GIGYF2: variants seen among roughly 807,000 people sequenced by gnomAD.
GIGYF2 encodes GRB10 interacting GYF protein 2, also known as GRB10-interacting GYF protein 2.
In GIGYF2, 25 loss-of-function variants were observed where a neutral mutation model predicts 208.1. The ratio of observed to expected loss-of-function variants is 0.12; its 90% confidence interval spans 0.09 to 0.17. The LOEUF (loss-of-function observed/expected upper bound fraction) is 0.17, where lower values mean the gene tolerates loss of function less well. Ranked by LOEUF, GIGYF2 falls within the 10% of genes least tolerant of loss-of-function variation. GIGYF2 has a pLI of 1.00. For synonymous variants in GIGYF2, 534 were observed against 543.8 expected (o/e 0.98, Z 0.25); for missense variants, 1,302 against 1,579.4 (o/e 0.82, Z 2.98).
At chr2:232,811,380 T>C (rs781354296) in intron 17 of GIGYF2, 29 bp downstream of exon 17, 1 of 1,194,248 alleles carries the variant, frequency 8.4e-7, no homozygotes, top group Non-Finnish European at 1.3e-6. Flanking sequence ...ATGTGTCATA[T>C]GGGGTGCATG....
intron 23 of GIGYF2, 65 bp downstream of exon 23, chr2:232,840,036 G>A: frequency 4.7e-6 from 7 of 1,479,442 alleles, no homozygotes; most frequent in African/African-American, 2.8e-5. Context: ...ATGCATTATG[G>A]GTTAGTGGTT....
intron 2 of GIGYF2, among the ~76,000 whole-genome samples, chr2:232,724,207 ATTTTTTTTTTT>A (rs1163865821): frequency 6.1e-5 from 7 of 114,196 alleles, no homozygotes; most frequent in Non-Finnish European, 8.6e-5. Flanking sequence ...ACACCTGGCT[ATTTTTTTTTTT>A]TTTTTTTTTT....
At chr2:232,732,640 A>AT (rs112179324) in intron 2 of GIGYF2, among the ~76,000 whole-genome samples, 3,440 of 144,468 alleles carry the variant, frequency 0.024, 130 homozygotes, top group African/African-American at 0.078. Context: ...AATTTTTTTA[A>AT]TTTTTTTTTT....
chr2:232,765,842 G>A, intron 8 of GIGYF2: 1 of 453,140 alleles, frequency 2.2e-6, no homozygotes, highest in Non-Finnish European at 4.6e-6. Context: ...GAGATTTTTA[G>A]GTAACGACAT....
intron 2 of GIGYF2, among the ~76,000 whole-genome samples, chr2:232,706,945 C>CA (rs10612508): frequency 1.8e-5 from 2 of 109,470 alleles, no homozygotes; most frequent in South Asian, 3.2e-4. Context: ...GACCTTGTCT[C>CA]AAAAAAAAAA....
chr2:232,730,814 C>T (rs1471607044), intron 2 of GIGYF2, among the ~76,000 whole-genome samples: 14 of 134,510 alleles, frequency 1.0e-4, no homozygotes, highest in East Asian at 4.5e-4. Flanking sequence ...AGGAGAATGG[C>T]GTGAACCCGG....
intron 8 of GIGYF2, among the ~76,000 whole-genome samples, chr2:232,781,404 G>A (rs1033337861): frequency 3.5e-5 from 4 of 114,658 alleles, no homozygotes; most frequent in African/African-American, 1.4e-4. Context: ...AATCAATTTG[G>A]TTAGAAGGGA....
intron 28 of GIGYF2, among the ~76,000 whole-genome samples, chr2:232,852,205 G>A (rs1476096171): frequency 6.6e-6 from 1 of 152,206 alleles, no homozygotes; most frequent in African/African-American, 2.4e-5. Flanking sequence ...CAGCCCTGGT[G>A]AAAACAACAT....
At chr2:232,746,176 TAAA>T (rs938239883) in intron 3 of GIGYF2, among the ~76,000 whole-genome samples, 1 of 144,802 alleles carries the variant, frequency 6.9e-6, no homozygotes. Flanking sequence ...CCACAATAAG[TAAA>T]AAAAAAAAAT....
At chr2:232,841,256 G>C (rs540654626) in intron 23 of GIGYF2, among the ~76,000 whole-genome samples, 20 of 152,056 alleles carry the variant, frequency 1.3e-4, no homozygotes, top group Non-Finnish European at 2.9e-4. Flanking sequence ...GTCTTCTCCT[G>C]TCTACCAGAA....
chr2:232,809,249 T>A (rs542042453), intron 15 of GIGYF2, among the ~76,000 whole-genome samples: 208 of 152,328 alleles, frequency 1.4e-3, no homozygotes, highest in African/African-American at 4.9e-3. Flanking sequence ...GGCCTCTTTT[T>A]ATATTCTTAA....
At chr2:232,701,993 C>T (rs1393066956) in intron 1 of GIGYF2, among the ~76,000 whole-genome samples, 1 of 151,890 alleles carries the variant, frequency 6.6e-6, no homozygotes, top group East Asian at 1.9e-4. Context: ...AGACCCCCAT[C>T]TCTAAAAAAG....
At chr2:232,778,628 C>T (rs973560446) in intron 8 of GIGYF2, among the ~76,000 whole-genome samples, 1 of 152,114 alleles carries the variant, frequency 6.6e-6, no homozygotes, top group Admixed American at 6.5e-5. Flanking sequence ...TATAAAGCAA[C>T]AGTAGGTAGA....
intron 2 of GIGYF2, among the ~76,000 whole-genome samples, chr2:232,707,961 TA>T (rs923388877): frequency 1.3e-5 from 2 of 151,822 alleles, no homozygotes; most frequent in African/African-American, 2.4e-5. Flanking sequence ...TTTTTTTAAT[TA>T]AAAAAAATAT....
At chr2:232,811,166 A>G (rs753093138) in intron 16 of GIGYF2, 78 bp from the exon 17 acceptor site, 12 of 780,624 alleles carry the variant, frequency 1.5e-5, no homozygotes, top group African/African-American at 6.7e-5. Flanking sequence ...CTTTGAATTG[A>G]ACTTTGTCTT....
At chr2:232,707,060 A>G (rs1574767293) in intron 2 of GIGYF2, among the ~76,000 whole-genome samples, 2 of 151,916 alleles carry the variant, frequency 1.3e-5, no homozygotes, top group Non-Finnish European at 2.9e-5. Context: ...TGGCATTGTA[A>G]TTTTTCCTAA....
chr2:232,768,143 C>T (rs369373214), intron 8 of GIGYF2: 3 of 1,587,932 alleles, frequency 1.9e-6, no homozygotes, highest in African/African-American at 2.7e-5. Context: ...GAAAAAGTAG[C>T]TGCATAACTG....
At chr2:232,794,523 C>G (rs1172211461) in intron 12 of GIGYF2, among the ~76,000 whole-genome samples, 7 of 152,134 alleles carry the variant, frequency 4.6e-5, no homozygotes, top group Non-Finnish European at 1.0e-4. Context: ...TGGAGAAGCA[C>G]CTTTTAGATA....
At chr2:232,809,472 G>A (rs1279890541) in intron 15 of GIGYF2, among the ~76,000 whole-genome samples, 1 of 152,220 alleles carries the variant, frequency 6.6e-6, no homozygotes, top group Non-Finnish European at 1.5e-5. Context: ...ATGGAGAATG[G>A]CAGCTGAAAT....
Sources: allele counts gnomAD v4.1 joint callset (sites outside exome capture counted in the v4.1 genomes callset), GRCh38; gene constraint gnomAD v4.1.1; transcripts MANE v1.5; gene names NCBI Gene and HGNC (gene_info 2026-07-23, HGNC 2026-07-21).